Variants in LRRC4C observed in about 807,000 individuals in gnomAD.
The protein encoded by LRRC4C is leucine rich repeat containing 4C.
In LRRC4C, 5 loss-of-function variants were observed where a neutral mutation model predicts 33.6. The ratio of observed to expected loss-of-function variants is 0.15; its 90% confidence interval spans 0.08 to 0.31. The LOEUF (loss-of-function observed/expected upper bound fraction) is 0.31, where lower values mean the gene tolerates loss of function less well. Ranked by LOEUF, LRRC4C falls within the 10% of genes least tolerant of loss-of-function variation. LRRC4C has a pLI of 1.00. For synonymous variants in LRRC4C, 329 were observed against 302.0 expected, an observed-to-expected ratio of 1.09 and a Z score of -0.93; for missense variants, 560 against 796.7, an observed-to-expected ratio of 0.70 and a Z score of 3.58.
chr11:40,936,014 T>G (rs1309157975), intron 1 of LRRC4C, among the ~76,000 whole-genome samples: 1 of 49,310 alleles, frequency 2.0e-5, no homozygotes, highest in Non-Finnish European at 4.7e-5. Flanking sequence ...ATGCCAAATT[T>G]TATATATATA....
At chr11:41,246,430 G>A (rs941971216) in intron 1 of LRRC4C, among the ~76,000 whole-genome samples, 1 of 152,172 alleles carries the variant, frequency 6.6e-6, no homozygotes, top group African/African-American at 2.4e-5. Flanking sequence ...GCTTGTAGGG[G>A]TAGGGGGGCT....
At chr11:40,246,989 C>G (rs1440943472) in intron 4 of LRRC4C, among the ~76,000 whole-genome samples, 1 of 152,082 alleles carries the variant, frequency 6.6e-6, no homozygotes, top group African/African-American at 2.4e-5. Flanking sequence ...GAGGCTGTTT[C>G]CCCCAGGTGG....
At chr11:41,174,191 T>C (rs976728048) in intron 1 of LRRC4C, among the ~76,000 whole-genome samples, 2 of 152,138 alleles carry the variant, frequency 1.3e-5, no homozygotes, top group Non-Finnish European at 2.9e-5. Flanking sequence ...AACTCATTTG[T>C]GTATTGAGCT....
chr11:40,400,738 A>C (rs1949727049), intron 3 of LRRC4C, among the ~76,000 whole-genome samples: 1 of 152,076 alleles, frequency 6.6e-6, no homozygotes, highest in African/African-American at 2.4e-5. Context: ...ACAAGGAATA[A>C]TCATTGCTTT....
At chr11:40,158,472 G>A (rs1242144890) in intron 5 of LRRC4C, among the ~76,000 whole-genome samples, 1 of 151,668 alleles carries the variant, frequency 6.6e-6, no homozygotes, top group Non-Finnish European at 1.5e-5. Context: ...ATTATGGTAT[G>A]CAATTGGGTC....
At chr11:40,200,969 C>A (rs530181271) in intron 5 of LRRC4C, among the ~76,000 whole-genome samples, 67 of 152,084 alleles carry the variant, frequency 4.4e-4, no homozygotes, top group Non-Finnish European at 6.5e-4. Flanking sequence ...TGAAAATATA[C>A]CCTCTCTGAA....
At chr11:41,349,270 C>T (rs1565602550) in intron 1 of LRRC4C, among the ~76,000 whole-genome samples, 1 of 152,098 alleles carries the variant, frequency 6.6e-6, no homozygotes, top group Non-Finnish European at 1.5e-5. Flanking sequence ...TCAGCCTTCC[C>T]CTGCCAGCAC....
At chr11:41,296,239 A>G (rs1258780085) in intron 1 of LRRC4C, among the ~76,000 whole-genome samples, 1 of 152,196 alleles carries the variant, frequency 6.6e-6, no homozygotes, top group Non-Finnish European at 1.5e-5. Context: ...TTTCACAAGA[A>G]ATCCTGGCGG....
At chr11:41,065,119 C>A (rs989609505) in intron 1 of LRRC4C, among the ~76,000 whole-genome samples, 12 of 146,530 alleles carry the variant, frequency 8.2e-5, no homozygotes, top group African/African-American at 2.3e-4. Context: ...TCAGTGGATC[C>A]CACTCCCATG....
At chr11:41,220,938 T>C (rs1947279516) in intron 1 of LRRC4C, among the ~76,000 whole-genome samples, 1 of 152,216 alleles carries the variant, frequency 6.6e-6, no homozygotes, top group Admixed American at 6.5e-5. Context: ...TTACTACTAT[T>C]AAATTACTGA....
At chr11:40,146,428 C>A (rs1336429627) in intron 5 of LRRC4C, among the ~76,000 whole-genome samples, 6 of 152,102 alleles carry the variant, frequency 3.9e-5, no homozygotes, top group Non-Finnish European at 8.8e-5. Flanking sequence ...TTCTATGAGA[C>A]AAGTTATACC....
chr11:41,304,330 C>T (rs1427806201), intron 1 of LRRC4C, among the ~76,000 whole-genome samples: 2 of 113,374 alleles, frequency 1.8e-5, no homozygotes, highest in African/African-American at 6.8e-5. Flanking sequence ...GGCCAGCCGC[C>T]CCGTCCGGGA....
chr11:40,261,622 A>G (rs1227526776), intron 4 of LRRC4C, among the ~76,000 whole-genome samples: 1 of 152,210 alleles, frequency 6.6e-6, no homozygotes, highest in African/African-American at 2.4e-5. Context: ...GGCCAGGTTC[A>G]ATTATGGGAA....
chr11:40,926,508 A>G (rs566033949), intron 2 of LRRC4C, among the ~76,000 whole-genome samples: 2 of 152,210 alleles, frequency 1.3e-5, no homozygotes, highest in Non-Finnish European at 2.9e-5. Context: ...TGCTTGATAA[A>G]AACTTTCTAA....
intron 1 of LRRC4C, among the ~76,000 whole-genome samples, chr11:41,268,413 C>CA (rs1949219317): frequency 6.6e-6 from 1 of 152,104 alleles, no homozygotes; most frequent in Non-Finnish European, 1.5e-5. Flanking sequence ...TGTATTAAGA[C>CA]ATCGGCTCTG....
At chr11:41,026,593 G>A (rs187109581) in intron 1 of LRRC4C, among the ~76,000 whole-genome samples, 5 of 151,250 alleles carry the variant, frequency 3.3e-5, no homozygotes, top group East Asian at 3.9e-4. Context: ...ACATGCCACC[G>A]AGAAATCTTT....
At chr11:40,320,506 A>C (rs566116128) in intron 3 of LRRC4C, among the ~76,000 whole-genome samples, 9 of 152,258 alleles carry the variant, frequency 5.9e-5, no homozygotes, top group African/African-American at 2.2e-4. Flanking sequence ...ACTCTGTCTC[A>C]AAAATAAATA....
intron 3 of LRRC4C, among the ~76,000 whole-genome samples, chr11:40,587,105 G>A (rs1200160404): frequency 1.3e-5 from 2 of 151,966 alleles, no homozygotes; most frequent in African/African-American, 4.8e-5. Context: ...TCCTACCCAT[G>A]AGCATGGAAT....
At chr11:40,890,326 AAG>A (rs984852128) in intron 2 of LRRC4C, among the ~76,000 whole-genome samples, 1 of 152,078 alleles carries the variant, frequency 6.6e-6, no homozygotes, top group South Asian at 2.1e-4. Flanking sequence ...GAAGGTTGGG[AAG>A]AGAGAGACAG....
Sources: allele counts gnomAD v4.1 joint callset (sites outside exome capture counted in the v4.1 genomes callset), GRCh38; gene constraint gnomAD v4.1.1; transcripts MANE v1.5; gene names NCBI Gene and HGNC (gene_info 2026-07-23, HGNC 2026-07-21).